TMEM132D: variants seen among roughly 807,000 people sequenced by gnomAD.
TMEM132D encodes transmembrane protein 132D, also known as mature OL transmembrane protein.
Under a neutral mutation model 62.3 loss-of-function variants are expected in TMEM132D, and 21 were observed. The ratio of observed to expected loss-of-function variants is 0.34; its 90% confidence interval spans 0.24 to 0.49. TMEM132D has a LOEUF of 0.49. TMEM132D is among the 20% of genes least tolerant of loss of function. The pLI is 0.99. For missense variants in TMEM132D, 1,346 were observed against 1,402.8 expected (o/e 0.96, Z 0.65); for synonymous variants, 621 against 575.6 (o/e 1.08, Z -1.13).
intron 1 of TMEM132D, among the ~76,000 whole-genome samples, chr12:129,864,132 GCGCCA>G (rs1873985434): frequency 6.6e-6 from 1 of 152,200 alleles, no homozygotes; most frequent in African/African-American, 2.4e-5. Context: ...GGGGAAGCCA[GCGCCA>G]TCTTGTGAGG....
At chr12:129,799,849 C>T (rs1369091467) in intron 1 of TMEM132D, among the ~76,000 whole-genome samples, 6 of 152,108 alleles carry the variant, frequency 3.9e-5, no homozygotes, top group Admixed American at 6.5e-5. Flanking sequence ...GAAGATCTCG[C>T]GTGTTAGACA....
chr12:129,344,099 CTCTG>C (rs1869605578), intron 3 of TMEM132D, among the ~76,000 whole-genome samples: 7 of 152,200 alleles, frequency 4.6e-5, no homozygotes, highest in Admixed American at 4.6e-4. Context: ...GAATGTCCTA[CTCTG>C]TCTGTGGAGT....
At chr12:129,121,649 T>C (rs1369405436) in intron 5 of TMEM132D, among the ~76,000 whole-genome samples, 1 of 151,906 alleles carries the variant, frequency 6.6e-6, no homozygotes. Flanking sequence ...GCACATTCTC[T>C]CCAAGACCCA....
At chr12:129,632,400 G>C (rs1014122275) in intron 2 of TMEM132D, among the ~76,000 whole-genome samples, 1 of 152,162 alleles carries the variant, frequency 6.6e-6, no homozygotes, top group Non-Finnish European at 1.5e-5. Context: ...ACTCAGTTCT[G>C]ATGAGATTAG....
chr12:129,184,485 C>T (rs1878163797), intron 5 of TMEM132D, among the ~76,000 whole-genome samples: 1 of 152,218 alleles, frequency 6.6e-6, no homozygotes. Context: ...TCTCAGCACC[C>T]TGTCGCTCCA....
chr12:129,216,428 A>G (rs573339989), intron 4 of TMEM132D, among the ~76,000 whole-genome samples: 16 of 152,326 alleles, frequency 1.1e-4, no homozygotes, highest in African/African-American at 3.8e-4. Flanking sequence ...GTGTCCTTAC[A>G]AGAAGAGAAA....
chr12:129,298,872 T>C (rs2135625386), intron 4 of TMEM132D, among the ~76,000 whole-genome samples: 1 of 151,848 alleles, frequency 6.6e-6, no homozygotes, highest in Non-Finnish European at 1.5e-5. Flanking sequence ...GGCTCTTCTT[T>C]ATGAGCACTC....
chr12:129,486,709 C>G (rs757044691), intron 3 of TMEM132D, among the ~76,000 whole-genome samples: 1 of 152,142 alleles, frequency 6.6e-6, no homozygotes, highest in Admixed American at 6.6e-5. Context: ...GTGCTTACCT[C>G]CATGCCTGTG....
chr12:129,155,872 ATC>A (rs1369881358), intron 5 of TMEM132D, among the ~76,000 whole-genome samples: 1 of 151,994 alleles, frequency 6.6e-6, no homozygotes, highest in Non-Finnish European at 1.5e-5. Flanking sequence ...AATATAATGA[ATC>A]CACTCCCCCA....
At chr12:129,348,837 C>T (rs765197588) in intron 3 of TMEM132D, among the ~76,000 whole-genome samples, 10 of 152,160 alleles carry the variant, frequency 6.6e-5, no homozygotes, top group Non-Finnish European at 1.2e-4. Flanking sequence ...TCCTGAGTGA[C>T]GGGGCCCGAG....
intron 3 of TMEM132D, among the ~76,000 whole-genome samples, chr12:129,520,848 G>C (rs1875828445): frequency 6.6e-6 from 1 of 152,310 alleles, no homozygotes; most frequent in Middle Eastern, 3.4e-3. Context: ...TCTGCCTGTA[G>C]ATCTGCTATA....
intron 3 of TMEM132D, among the ~76,000 whole-genome samples, chr12:129,460,311 G>A (rs1202035275): frequency 6.6e-6 from 1 of 152,140 alleles, no homozygotes; most frequent in Non-Finnish European, 1.5e-5. Flanking sequence ...TCACACTTGA[G>A]AACTGCCACA....
At chr12:129,624,937 T>C (rs1386627101) in intron 2 of TMEM132D, among the ~76,000 whole-genome samples, 1 of 152,224 alleles carries the variant, frequency 6.6e-6, no homozygotes, top group East Asian at 1.9e-4. Flanking sequence ...CAGATGCCTC[T>C]GGGAAGCTGC....
chr12:129,074,588 G>A lies in TMEM132D; in HGVS notation c.2587C>T (p.Gln863Ter), dbSNP rs1247044081. The A allele has an allele frequency of 6.2e-7, 1 of 1,614,050 alleles. No homozygotes were observed. ...AGGCTTTCCTGGCCTTTCTTCTTCT[G>A]CAGGATGGACCTGTCTGTCGTGGTG... ...RGTTTDRSIL[Q>*]KKKGQESLLD... Residue 863 changes from glutamine (Q) to a stop codon, truncating the protein, a stop_gained, in exon 9 of 9, where the codon CAG becomes TAG. Transcript: ENST00000422113. LOFTEE classifies it low-confidence loss of function (END_TRUNC).
rs150550863 is a variant in TMEM132D at position 129,605,604 on chromosome 12, T to TATATATATATAC, written c.969-74400_969-74399insGTATATATATAT. 5.2e-4 allele frequency among the ~76,000 whole-genome samples: 55 copies of TATATATATATAC among 106,264 alleles called. 2 individuals carry two copies. The highest frequency in any genetic ancestry group is 1.2e-3 in the African/African-American group (32 of 25,726). 69.7% of individuals were successfully genotyped at this position (106,264 alleles called of 152,430 possible). A position where few individuals can be genotyped will look rare whatever the true frequency, so the allele number is the denominator to read the frequency against. ...ATTAGGCATTATATATATATATATATACACACACATATATATATACACACA... is the reference window on the plus strand; with the variant it reads ...ATTAGGCATTATATATATATATATATATATATATATACACACACACATATATATATACACACA... On this transcript the variant is annotated intron_variant, in intron 2 of 8. Transcript: ENST00000422113.
chr12:129,783,277 A>G (rs1488666217), intron 1 of TMEM132D, among the ~76,000 whole-genome samples: 1 of 152,212 alleles, frequency 6.6e-6, no homozygotes, highest in Non-Finnish European at 1.5e-5. Flanking sequence ...GTAAGTTAAC[A>G]GTGTTGAGCA....
At chr12:129,651,650 A>G (rs1049122558) in intron 2 of TMEM132D, among the ~76,000 whole-genome samples, 5 of 152,216 alleles carry the variant, frequency 3.3e-5, no homozygotes, top group African/African-American at 1.2e-4. Context: ...CAAACAAATT[A>G]AGCTGATAAT....
At chr12:129,768,355 GTCA>G (rs1271408474) in intron 1 of TMEM132D, among the ~76,000 whole-genome samples, 1 of 152,026 alleles carries the variant, frequency 6.6e-6, no homozygotes, top group Non-Finnish European at 1.5e-5. Context: ...GGTTTCTGCT[GTCA>G]TCACATGTTC....
chr12:129,560,632 G>A (rs113867119), intron 2 of TMEM132D, among the ~76,000 whole-genome samples: 8 of 152,254 alleles, frequency 5.3e-5, no homozygotes, highest in African/African-American at 1.9e-4. Context: ...TACTCTCAAA[G>A]AGCTTAACAC....
Sources: allele counts gnomAD v4.1 joint callset (sites outside exome capture counted in the v4.1 genomes callset), GRCh38; gene constraint gnomAD v4.1.1; transcripts MANE v1.5; gene names NCBI Gene and HGNC (gene_info 2026-07-23, HGNC 2026-07-21).